Variants in ZNF638 observed in about 807,000 individuals in gnomAD.
ZNF638 encodes the protein zinc finger protein 638, also known as CTCL tumor antigen se33-1.
In ZNF638, 46 loss-of-function variants were observed where a neutral mutation model predicts 195.6. The observed-to-expected ratio is 0.24, with a 90% CI of 0.19 to 0.30. The LOEUF (loss-of-function observed/expected upper bound fraction) is 0.30. Ranked by LOEUF, ZNF638 falls within the 10% of genes least tolerant of loss-of-function variation. ZNF638 has a pLI of 1.00. For missense variants in ZNF638, 2,440 were observed against 2,325.3 expected (o/e 1.05, Z -1.01); for synonymous variants, 845 against 772.0 (o/e 1.09, Z -1.57).
At chr2:71,354,218 G>A (rs539278949) in intron 2 of ZNF638, among the ~76,000 whole-genome samples, 37 of 152,290 alleles carry the variant, frequency 2.4e-4, no homozygotes, top group African/African-American at 6.5e-4. Flanking sequence ...GTTGAAATAC[G>A]AAGTTATTTA....
intron 16 of ZNF638, among the ~76,000 whole-genome samples, chr2:71,403,356 C>T (rs558174052): frequency 6.6e-6 from 1 of 152,198 alleles, no homozygotes; most frequent in African/African-American, 2.4e-5. Context: ...AACCTCTTTA[C>T]TTACCAAGGT....
At chr2:71,392,686 C>T (rs1157003317) in intron 10 of ZNF638, among the ~76,000 whole-genome samples, 1 of 150,996 alleles carries the variant, frequency 6.6e-6, no homozygotes, top group East Asian at 2.0e-4. Flanking sequence ...CCAGTCGCTT[C>T]AGTTTTTCCA....
chr2:71,388,365 T>C (rs973177081), intron 10 of ZNF638: 9 of 591,710 alleles, frequency 1.5e-5, no homozygotes, highest in Non-Finnish European at 2.2e-5. Context: ...CATCTGACCT[T>C]TGATCATCCG....
rs974623668 is a variant in ZNF638 at position 71,416,873 on chromosome 2, C to G, written c.3262-1729C>G. 6.1e-5 allele frequency among the ~76,000 whole-genome samples: 9 copies of G among 148,342 alleles called. No individual in the cohort carries two copies. In the South Asian group the frequency reaches 1.1e-3, roughly 18 times the overall value. Reference sequence around the variant, plus strand: ...GCTGCGTGCTGGGAGAACCACTGCTCTCTTCAAAGCTGTCAGACAGGGACA... The same window carrying G: ...GCTGCGTGCTGGGAGAACCACTGCTGTCTTCAAAGCTGTCAGACAGGGACA... On this transcript the variant is annotated intron_variant, in intron 20 of 27. Transcript: ENST00000264447.
chr2:71,379,702 C>T (rs1208840969), intron 8 of ZNF638: 2 of 152,004 alleles, frequency 1.3e-5, no homozygotes, highest in African/African-American at 4.8e-5. Context: ...TTTGACAGAC[C>T]GTATTCACGT....
intron 8 of ZNF638, among the ~76,000 whole-genome samples, chr2:71,371,546 G>T (rs920780266): frequency 6.6e-6 from 1 of 152,122 alleles, no homozygotes; most frequent in Non-Finnish European, 1.5e-5. Flanking sequence ...CATTTTAACC[G>T]GGGTAAGATG....
chr2:71,399,673 C>CT (rs2079966332), intron 13 of ZNF638, 28 bp downstream of exon 13: 2 of 1,549,208 alleles, frequency 1.3e-6, no homozygotes, highest in Non-Finnish European at 1.8e-6. Context: ...TCATTCAGTG[C>CT]TTTGTTTTCT....
chr2:71,410,653 G>C (rs922770941), intron 20 of ZNF638, among the ~76,000 whole-genome samples: 4 of 152,280 alleles, frequency 2.6e-5, no homozygotes, highest in Non-Finnish European at 4.4e-5. Context: ...AGATATAAAA[G>C]TGGTAAAAAG....
At chr2:71,411,440 A>G (rs1336796936) in intron 20 of ZNF638, among the ~76,000 whole-genome samples, 1 of 123,516 alleles carries the variant, frequency 8.1e-6, no homozygotes, top group Admixed American at 8.3e-5. Context: ...TGAGTTTTTT[A>G]TTTTTTTTAT....
intron 1 of ZNF638, among the ~76,000 whole-genome samples, chr2:71,347,743 C>A (rs2078874803): frequency 6.6e-6 from 1 of 152,184 alleles, no homozygotes; most frequent in Non-Finnish European, 1.5e-5. Flanking sequence ...GGGGGTAGTA[C>A]AGTCTGATGG....
At chr2:71,333,663 A>G (rs936569239) in intron 1 of ZNF638, among the ~76,000 whole-genome samples, 3 of 152,254 alleles carry the variant, frequency 2.0e-5, no homozygotes, top group African/African-American at 7.2e-5. Context: ...TGGAAAGAGA[A>G]TAGGCTTTGC....
At chr2:71,352,750 A>C (rs939617046) in intron 2 of ZNF638, among the ~76,000 whole-genome samples, 5 of 152,184 alleles carry the variant, frequency 3.3e-5, no homozygotes, top group African/African-American at 1.2e-4. Flanking sequence ...ATCTGACTGA[A>C]GTATGCAGGG....
chr2:71,373,345 T>C (rs951804477), intron 8 of ZNF638, among the ~76,000 whole-genome samples: 2 of 152,124 alleles, frequency 1.3e-5, no homozygotes, highest in African/African-American at 2.4e-5. Flanking sequence ...TGCATGAATA[T>C]TGTGCATTCT....
intron 1 of ZNF638, among the ~76,000 whole-genome samples, chr2:71,332,523 G>C (rs552428436): frequency 1.3e-5 from 2 of 152,232 alleles, no homozygotes; most frequent in African/African-American, 4.8e-5. Context: ...TATCACCTCT[G>C]TGGGAGACTG....
In ZNF638 at chr2:71,425,810, A is replaced by G. The variant is rs570798408; in HGVS notation, c.4591-650A>G. 3.4e-4 allele frequency among the ~76,000 whole-genome samples: 51 copies of G among 152,086 alleles called. 1 individual carries two copies. In the East Asian group the frequency reaches 9.7e-3, roughly 29 times the overall value. On this transcript the variant is annotated intron_variant, in intron 23 of 27. Coordinates refer to ENST00000264447, the MANE Select transcript of ZNF638 (RefSeq NM_014497.5). ...TCAGCCTCCCGAGTAGCTGGGTGGC[A>G]TCTGCCACCACACCCAGCTAATTTT...
chr2:71,355,512 A>G (rs944149262), intron 2 of ZNF638, among the ~76,000 whole-genome samples: 1 of 152,208 alleles, frequency 6.6e-6, no homozygotes, highest in Non-Finnish European at 1.5e-5. Context: ...ATATTTTCAA[A>G]TGGGATCAGT....
At chr2:71,410,115 A>G (rs1209305115) in intron 20 of ZNF638, among the ~76,000 whole-genome samples, 7 of 152,204 alleles carry the variant, frequency 4.6e-5, no homozygotes, top group Non-Finnish European at 4.4e-5. Flanking sequence ...GATTTAGATC[A>G]AAACTATTTT....
At chr2:71,430,449 G>A (rs1458494050) in intron 25 of ZNF638, among the ~76,000 whole-genome samples, 1 of 152,126 alleles carries the variant, frequency 6.6e-6, no homozygotes, top group Admixed American at 6.6e-5. Flanking sequence ...TGATTTCAGA[G>A]TTCCTTGCCA....
At chr2:71,407,153 A>T (rs540409931) in intron 19 of ZNF638, 1 of 152,212 alleles carries the variant, frequency 6.6e-6, no homozygotes, top group Non-Finnish European at 1.5e-5. Context: ...TTACCTAGAA[A>T]GGCAGGGTTT....
Sources: allele counts gnomAD v4.1 joint callset (sites outside exome capture counted in the v4.1 genomes callset), GRCh38; gene constraint gnomAD v4.1.1; transcripts MANE v1.5; gene names NCBI Gene and HGNC (gene_info 2026-07-23, HGNC 2026-07-21).